WDR27: variants seen among roughly 807,000 people sequenced by gnomAD.
The protein encoded by WDR27 is WD repeat-containing protein 27.
In WDR27, 100 loss-of-function variants were observed where a neutral mutation model predicts 114.4. The observed-to-expected ratio is 0.87, with a 90% CI of 0.74 to 1.03. The LOEUF is 1.03. WDR27 is among the 50% of genes least tolerant of loss of function. The pLI, the probability that WDR27 is intolerant of heterozygous loss-of-function variation, is 0.00. For synonymous variants in WDR27, 449 were observed against 423.1 expected (o/e 1.06, Z -0.75); for missense variants, 1,129 against 1,092.9 (o/e 1.03, Z -0.47).
chr6:169,670,817 G>A, intron 3 of WDR27, 124 bp from the exon 4 acceptor site: 1 of 1,326,544 alleles, frequency 7.5e-7, no homozygotes, highest in Non-Finnish European at 1.0e-6. Flanking sequence ...AATGAGCTTT[G>A]ATGTGATTTT....
At position 169,672,262 on chromosome 6, in the gene WDR27, T is replaced by C. The variant is rs765096556; in HGVS notation, c.324A>G (p.Val108=). 18 of 1,612,216 alleles carry C rather than the reference T, an allele frequency of 1.1e-5. No homozygotes were observed. The highest frequency in any genetic ancestry group is 1.5e-5 in the Non-Finnish European group (18 of 1,179,372). Residue 108 remains valine, a synonymous_variant, in exon 3 of 26, where the codon GTA becomes GTG. Transcript: ENST00000448612. ...TTTTAGATTTTCATTTACCTTGAAG[T>C]ACTTTCTCTCTACATTCATCCAGGT... ...MWNLDECREK[V]LQGLVPRGTV... is the part of the protein sequence containing the mutation.
At chr6:169,572,064 A>T (rs1412105172) in intron 25 of WDR27, among the ~76,000 whole-genome samples, 1 of 152,202 alleles carries the variant, frequency 6.6e-6, no homozygotes, top group East Asian at 1.9e-4. Context: ...AGGTAATCAG[A>T]ATAAATCAAA....
chr6:169,666,235 TC>T (rs1331248040), intron 6 of WDR27, among the ~76,000 whole-genome samples: 1 of 152,168 alleles, frequency 6.6e-6, no homozygotes, highest in Non-Finnish European at 1.5e-5. Flanking sequence ...CCAACGTACT[TC>T]CAAGAAATGT....
At chr6:169,594,670 T>A (rs896531538) in intron 23 of WDR27, among the ~76,000 whole-genome samples, 5 of 152,250 alleles carry the variant, frequency 3.3e-5, no homozygotes, top group South Asian at 2.1e-4. Flanking sequence ...CTTTGCCTCA[T>A]AATTTTTTGG....
In WDR27 at chr6:169,514,505, AT is replaced by A. The variant is rs534387288; in HGVS notation, c.2646-56872del. ...ATATATATGTATATATATAATATGT[AT>A]TTTTTCCCCAACTATATATATATTT... On this transcript the variant is annotated intron_variant, in intron 25 of 25. Coordinates refer to ENST00000448612, the MANE Select transcript of WDR27 (RefSeq NM_182552.5). Among the ~76,000 whole-genome samples the A allele has an allele frequency of 5.4e-3, 759 of 140,526 alleles. 5 individuals carry two copies. Among genetic ancestry groups the A allele is most frequent in the Non-Finnish European group, 6.4e-3 (419 of 65,726 alleles). 92.2% of individuals were successfully genotyped at this position (140,526 alleles called of 152,430 possible).
intron 23 of WDR27, among the ~76,000 whole-genome samples, chr6:169,589,945 A>G (rs1805385123): frequency 3.6e-4 from 2 of 5,618 alleles, no homozygotes; most frequent in South Asian, 0.013. Context: ...GGTAAATCTT[A>G]TGCCAGAACC....
At chr6:169,607,144 G>A (rs1349915985) in intron 22 of WDR27, among the ~76,000 whole-genome samples, 1 of 152,160 alleles carries the variant, frequency 6.6e-6, no homozygotes, top group Non-Finnish European at 1.5e-5. Context: ...TGATGGGAAT[G>A]TAAATTAGTA....
chr6:169,562,335 TAA>T (rs1285566085), intron 25 of WDR27, among the ~76,000 whole-genome samples: 6 of 152,288 alleles, frequency 3.9e-5, no homozygotes, highest in South Asian at 2.1e-4. Flanking sequence ...TGGAAATCAA[TAA>T]GAGTTGAAGA....
the WDR27 span, among the ~76,000 whole-genome samples, chr6:169,450,514 G>A: frequency 2.0e-5 from 3 of 152,188 alleles, no homozygotes; most frequent in Admixed American, 6.5e-5. Flanking sequence ...TGCAGACAGG[G>A]TGTGCCTCTC....
intron 25 of WDR27, among the ~76,000 whole-genome samples, chr6:169,563,469 T>A (rs182360542): frequency 3.5e-4 from 53 of 152,206 alleles, no homozygotes; most frequent in Admixed American, 2.0e-3. Flanking sequence ...TGAACTAACA[T>A]CCGTGAGTCT....
chr6:169,575,153 T>C (rs1041015265), intron 24 of WDR27, among the ~76,000 whole-genome samples: 4 of 152,100 alleles, frequency 2.6e-5, no homozygotes, highest in African/African-American at 9.7e-5. Flanking sequence ...TTGGGACTTC[T>C]CGGCCTCCAC....
intron 25 of WDR27, among the ~76,000 whole-genome samples, chr6:169,533,269 G>C (rs1202405890): frequency 2.3e-4 from 7 of 30,504 alleles, no homozygotes; most frequent in African/African-American, 3.1e-4. Flanking sequence ...CAGCCCACAT[G>C]GGTTGGAGTA....
At chr6:169,548,037 C>T (rs1797672477) in intron 25 of WDR27, among the ~76,000 whole-genome samples, 1 of 151,896 alleles carries the variant, frequency 6.6e-6, no homozygotes, top group Non-Finnish European at 1.5e-5. Context: ...TTCCTATATA[C>T]CAACAATGAA....
intron 23 of WDR27, among the ~76,000 whole-genome samples, chr6:169,589,699 T>C (rs561103561): frequency 6.6e-6 from 1 of 152,332 alleles, no homozygotes; most frequent in Non-Finnish European, 1.5e-5. Flanking sequence ...TTTCTTATGC[T>C]GTGATCCTAC....
intron 23 of WDR27, among the ~76,000 whole-genome samples, chr6:169,586,387 A>G (rs1385952155): frequency 2.0e-5 from 3 of 152,018 alleles, no homozygotes; most frequent in Admixed American, 6.6e-5. Context: ...TGCTCTCTCT[A>G]TCAAAGTTAT....
intron 1 of WDR27, among the ~76,000 whole-genome samples, 184 bp downstream of exon 1, chr6:169,701,367 G>A (rs1006033789): frequency 6.6e-6 from 1 of 152,194 alleles, no homozygotes; most frequent in Non-Finnish European, 1.5e-5. Context: ...CACGCAGGTT[G>A]AAAGGCCAGT....
At position 169,684,574 on chromosome 6, in the gene WDR27, T is replaced by C. The variant is rs1782414434; in HGVS notation, c.189+4243A>G. Among the ~76,000 whole-genome samples, 1 of 152,036 alleles carries C rather than the reference T, an allele frequency of 6.6e-6. No homozygotes were observed. The highest frequency in any genetic ancestry group is 2.1e-4 in the South Asian group (1 of 4,802). On this transcript the variant is annotated intron_variant, in intron 2 of 25. Coordinates refer to ENST00000448612, the MANE Select transcript of WDR27 (RefSeq NM_182552.5). The surrounding 1 kb of genome is among the most constrained non-coding windows in gnomAD (Gnocchi z 4.3). ...CCATGTCCTGGGCCTATAGTAGCCCTGTGCCCACACCCAGGAGACATACCC... is the reference window on the plus strand; with the variant it reads ...CCATGTCCTGGGCCTATAGTAGCCCCGTGCCCACACCCAGGAGACATACCC...
At chr6:169,697,258 A>C (rs1008190898) in intron 1 of WDR27, among the ~76,000 whole-genome samples, 1 of 152,214 alleles carries the variant, frequency 6.6e-6, no homozygotes, top group African/African-American at 2.4e-5. Context: ...AGGAGTGACC[A>C]GAAGACCAGA....
downstream of WDR27, among the ~76,000 whole-genome samples, chr6:169,454,903 TG>T (rs1180475150): frequency 6.6e-6 from 1 of 152,244 alleles, no homozygotes; most frequent in Non-Finnish European, 1.5e-5. Context: ...TGCCCAGCCG[TG>T]GGCTCCTCAC....
Sources: allele counts gnomAD v4.1 joint callset (sites outside exome capture counted in the v4.1 genomes callset), GRCh38; gene constraint gnomAD v4.1.1; non-coding constraint Gnocchi (gnomAD v3.1); transcripts MANE v1.5; gene names NCBI Gene and HGNC (gene_info 2026-07-23, HGNC 2026-07-21).